The following GRIN3A variants were observed in gnomAD, a reference collection of about 807,000 sequenced individuals.
The protein encoded by GRIN3A is glutamate receptor ionotropic, NMDA 3A.
In GRIN3A, 47 loss-of-function variants were observed where a neutral mutation model predicts 92.4. The observed-to-expected ratio is 0.51, with a 90% CI of 0.40 to 0.65. The LOEUF is 0.65. Among genes scored for constraint, GRIN3A ranks in the 30% least tolerant of loss-of-function variants. The probability of loss-of-function intolerance (pLI) is 0.00; values close to 1 mark genes in which losing one functional copy is unlikely to be tolerated. For missense variants in GRIN3A, 1,324 were observed against 1,393.1 expected, an observed-to-expected ratio of 0.95 and a Z score of 0.79; for synonymous variants, 527 against 540.6, an observed-to-expected ratio of 0.97 and a Z score of 0.35.
intron 5 of GRIN3A, among the ~76,000 whole-genome samples, chr9:101,620,945 T>A (rs901300116): frequency 1.3e-4 from 20 of 152,168 alleles, no homozygotes; most frequent in African/African-American, 4.6e-4. Context: ...TAAAAATATA[T>A]GCTATCCTCT....
intron 1 of GRIN3A, among the ~76,000 whole-genome samples, chr9:101,699,080 C>T (rs1215056646): frequency 6.6e-6 from 1 of 152,188 alleles, no homozygotes; most frequent in Non-Finnish European, 1.5e-5. Flanking sequence ...CAGTATAAAA[C>T]ACATCGTAGA....
intron 1 of GRIN3A, among the ~76,000 whole-genome samples, chr9:101,718,944 T>C (rs1829977401): frequency 6.6e-6 from 1 of 152,206 alleles, no homozygotes; most frequent in Non-Finnish European, 1.5e-5. Flanking sequence ...TAAAAGTGAA[T>C]TTATTTAGGT....
intron 3 of GRIN3A, among the ~76,000 whole-genome samples, chr9:101,631,036 C>T (rs539345814): frequency 6.6e-6 from 1 of 151,996 alleles, no homozygotes; most frequent in Admixed American, 6.5e-5. Flanking sequence ...ATTCTTTTTT[C>T]GTAAGCCCTT....
chr9:101,577,480 G>C (rs1305704259), intron 8 of GRIN3A, among the ~76,000 whole-genome samples: 8 of 152,146 alleles, frequency 5.3e-5, no homozygotes. Flanking sequence ...GGTGCAGAGA[G>C]ATTAAATAAG....
At chr9:101,638,551 C>T (rs1267990930) in intron 3 of GRIN3A, among the ~76,000 whole-genome samples, 1 of 152,136 alleles carries the variant, frequency 6.6e-6, no homozygotes, top group Non-Finnish European at 1.5e-5. Flanking sequence ...ATTATTTCAC[C>T]ACTGGTGCTG....
chr9:101,737,997 A>C lies in GRIN3A; in HGVS notation c.-18T>G. On this transcript the variant is annotated 5_prime_UTR_variant, in exon 1 of 9. Coordinates refer to ENST00000361820, the MANE Select transcript of GRIN3A (RefSeq NM_133445.3). Reference sequence around the variant, plus strand: ...CTCCTCATTACTGAGACCCGCAGGGAGAAAGCGCGCCCCCTCCTGCGCCCG... The same window carrying C: ...CTCCTCATTACTGAGACCCGCAGGGCGAAAGCGCGCCCCCTCCTGCGCCCG... The C allele has an allele frequency of 3.3e-6, 5 of 1,529,698 alleles. No homozygotes were observed. Among genetic ancestry groups the C allele is most frequent in the Non-Finnish European group, 4.4e-6 (5 of 1,143,214 alleles). 94.8% of individuals were successfully genotyped at this position (1,529,698 alleles called of 1,614,324 possible). A position where few individuals can be genotyped will look rare whatever the true frequency, so the allele number is the denominator to read the frequency against.
intron 4 of GRIN3A, among the ~76,000 whole-genome samples, chr9:101,625,776 C>T (rs1828626186): frequency 6.6e-6 from 1 of 152,178 alleles, no homozygotes; most frequent in South Asian, 2.1e-4. Context: ...AGCTGTTTCT[C>T]CAATCAAAGT....
At chr9:101,723,958 A>G (rs1203855324) in intron 1 of GRIN3A, among the ~76,000 whole-genome samples, 1 of 152,086 alleles carries the variant, frequency 6.6e-6, no homozygotes, top group Non-Finnish European at 1.5e-5. Flanking sequence ...ACCCTGAGCT[A>G]GACACGGGGT....
chr9:101,664,412 G>A (rs1197882270), intron 3 of GRIN3A, among the ~76,000 whole-genome samples: 1 of 151,934 alleles, frequency 6.6e-6, no homozygotes, highest in Non-Finnish European at 1.5e-5. Flanking sequence ...GAAGCGTGGA[G>A]CTTGCTTCCC....
intron 3 of GRIN3A, among the ~76,000 whole-genome samples, chr9:101,646,175 T>C (rs1828934826): frequency 6.6e-6 from 1 of 151,904 alleles, no homozygotes; most frequent in Admixed American, 6.6e-5. Context: ...CATTTCCCAA[T>C]GTTTTTTTCT....
At chr9:101,598,837 G>C (rs781353332) in intron 6 of GRIN3A, among the ~76,000 whole-genome samples, 2 of 152,158 alleles carry the variant, frequency 1.3e-5, no homozygotes, top group Non-Finnish European at 2.9e-5. Context: ...ACTCTTTGAG[G>C]ACTGATTACA....
intron 6 of GRIN3A, chr9:101,594,549 T>C (rs1564121465): frequency 6.2e-7 from 1 of 1,614,170 alleles, no homozygotes; most frequent in Non-Finnish European, 8.5e-7. Context: ...TGCCAGTCCG[T>C]CAGGTTGTTG....
At chr9:101,652,012 A>G (rs558255801) in intron 3 of GRIN3A, among the ~76,000 whole-genome samples, 6 of 152,150 alleles carry the variant, frequency 3.9e-5, no homozygotes, top group African/African-American at 1.4e-4. Flanking sequence ...CTCTGGAATT[A>G]TAGGCAAAAT....
intron 3 of GRIN3A, among the ~76,000 whole-genome samples, chr9:101,650,182 A>C (rs1828996277): frequency 6.6e-6 from 1 of 152,000 alleles, no homozygotes; most frequent in African/African-American, 2.4e-5. Context: ...TTTGTTCTTC[A>C]TCTGTAGAAA....
At chr9:101,709,277 A>C (rs569188257) in intron 1 of GRIN3A, among the ~76,000 whole-genome samples, 1 of 152,238 alleles carries the variant, frequency 6.6e-6, no homozygotes, top group Non-Finnish European at 1.5e-5. Flanking sequence ...TTCATTATTT[A>C]TCTATGTCAC....
chr9:101,594,822 T>C (rs1564121687), intron 6 of GRIN3A: 2 of 1,611,378 alleles, frequency 1.2e-6, no homozygotes, highest in Non-Finnish European at 1.7e-6. Flanking sequence ...GACCCTGATT[T>C]GTCCAAGTCC....
intron 2 of GRIN3A, among the ~76,000 whole-genome samples, chr9:101,679,750 C>T (rs939624824): frequency 1.4e-4 from 22 of 152,164 alleles, no homozygotes; most frequent in Non-Finnish European, 3.2e-4. Context: ...GCAATGTGTT[C>T]TTCTCGGGAC....
chr9:101,708,270 A>G (rs1353023145), intron 1 of GRIN3A, among the ~76,000 whole-genome samples: 3 of 152,188 alleles, frequency 2.0e-5, no homozygotes, highest in Admixed American at 6.5e-5. Context: ...AGACTTCATG[A>G]TTCTCAGGAA....
chr9:101,605,038 C>A (rs980723879), intron 6 of GRIN3A, among the ~76,000 whole-genome samples: 1 of 152,210 alleles, frequency 6.6e-6, no homozygotes, highest in Admixed American at 6.5e-5. Flanking sequence ...GGATGGGGAG[C>A]CCAGGCTGGA....
Sources: gnomAD v4.1 joint callset for allele counts (sites outside exome capture counted in the v4.1 genomes callset) on GRCh38, gnomAD v4.1.1 for gene constraint, MANE v1.5 for transcripts, NCBI Gene and HGNC (gene_info 2026-07-23, HGNC 2026-07-21) for gene names.